The following PCDH15 variants were observed in gnomAD, a reference collection of about 807,000 sequenced individuals.
The protein encoded by PCDH15 is protocadherin-15.
PCDH15 carries 129 observed loss-of-function variants against 178.5 expected under a neutral mutation model. The observed-to-expected ratio is 0.72, with a 90% CI of 0.63 to 0.84. PCDH15 has a LOEUF of 0.84. PCDH15 is among the 40% of genes least tolerant of loss of function. The pLI, the probability that PCDH15 is intolerant of heterozygous loss-of-function variation, is 0.00. For synonymous variants in PCDH15, 800 were observed against 732.0 expected (o/e 1.09, Z -1.50); for missense variants, 2,230 against 2,099.9 (o/e 1.06, Z -1.21).
At chr10:54,894,559 T>G (rs1954516506) in intron 3 of PCDH15, among the ~76,000 whole-genome samples, 1 of 152,114 alleles carries the variant, frequency 6.6e-6, no homozygotes, top group Admixed American at 6.6e-5. Context: ...ATTGGAAACA[T>G]TTTGTAGTTC....
At chr10:54,048,652 G>A (rs1235173928) in intron 18 of PCDH15, among the ~76,000 whole-genome samples, 2 of 152,096 alleles carry the variant, frequency 1.3e-5, no homozygotes, top group Non-Finnish European at 2.9e-5. Context: ...TGAATAGGAA[G>A]TCCTTTTCTG....
chr10:54,688,565 G>C (rs1197879013), intron 1 of PCDH15, among the ~76,000 whole-genome samples: 2 of 152,026 alleles, frequency 1.3e-5, no homozygotes, highest in Non-Finnish European at 2.9e-5. Context: ...AAATACATAG[G>C]ATTAATATTG....
Position 54,026,072 on chromosome 10 carries a change from AT to A in PCDH15, c.2221-2876del, listed in dbSNP as rs973797608. ...ATAGCAATCTATATTTTAGGATGGG[AT>A]TTTTTTTTTTTTTTGAAACAGGTCT... On this transcript the variant is annotated intron_variant, in intron 18 of 37. Transcript: ENST00000644397. Among the ~76,000 whole-genome samples the A allele has an allele frequency of 7.1e-3, 1,016 of 142,494 alleles. 4 individuals carry two copies. Among genetic ancestry groups the A allele is most frequent in the Middle Eastern group, 0.011 (3 of 262 alleles). 93.5% of individuals were successfully genotyped at this position (142,494 alleles called of 152,430 possible).
At chr10:54,511,354 T>C (rs1052418793) in intron 3 of PCDH15, among the ~76,000 whole-genome samples, 2 of 152,084 alleles carry the variant, frequency 1.3e-5, no homozygotes, top group Non-Finnish European at 2.9e-5. Context: ...TGGATATCAG[T>C]TTGCCCTCAC....
intron 8 of PCDH15, among the ~76,000 whole-genome samples, chr10:54,262,885 G>A (rs574755503): frequency 2.2e-4 from 33 of 151,988 alleles, no homozygotes; most frequent in Non-Finnish European, 4.0e-4. Flanking sequence ...TGGGCTTGCC[G>A]CCAGGGCGAG....
intron 3 of PCDH15, among the ~76,000 whole-genome samples, chr10:54,428,674 T>C (rs1193004371): frequency 6.6e-6 from 1 of 151,918 alleles, no homozygotes; most frequent in Non-Finnish European, 1.5e-5. Flanking sequence ...ATAAAGAAAA[T>C]ATCCCAAAAG....
intron 2 of PCDH15, among the ~76,000 whole-genome samples, chr10:55,616,648 G>A (rs1843484075): frequency 6.6e-6 from 1 of 152,118 alleles, no homozygotes; most frequent in Non-Finnish European, 1.5e-5. Flanking sequence ...CAGTCAGGGA[G>A]AATGGGAACC....
intron 28 of PCDH15, among the ~76,000 whole-genome samples, chr10:53,851,692 A>C (rs1322318326): frequency 5.9e-4 from 18 of 30,488 alleles, no homozygotes; most frequent in Non-Finnish European, 8.2e-4. Context: ...ATATATATAT[A>C]TATATATATA....
At chr10:54,254,952 A>G (rs1181766513) in intron 8 of PCDH15, among the ~76,000 whole-genome samples, 1 of 152,106 alleles carries the variant, frequency 6.6e-6, no homozygotes, top group Non-Finnish European at 1.5e-5. Context: ...GCAACAATTT[A>G]TGTCTTCCAC....
intron 2 of PCDH15, among the ~76,000 whole-genome samples, chr10:55,543,675 G>A (rs1841813606): frequency 6.6e-6 from 1 of 151,246 alleles, no homozygotes; most frequent in Non-Finnish European, 1.5e-5. Context: ...TGGGAACCAG[G>A]ATGTTGACAT....
intron 8 of PCDH15, among the ~76,000 whole-genome samples, chr10:54,307,553 T>C (rs2060634045): frequency 6.6e-6 from 1 of 152,052 alleles, no homozygotes; most frequent in African/African-American, 2.4e-5. Context: ...ATTTAAAATT[T>C]GATTCACTGA....
At chr10:54,369,404 A>G (rs973985522) in intron 4 of PCDH15, 129 bp from the exon 5 acceptor site, 1 of 857,556 alleles carries the variant, frequency 1.2e-6, no homozygotes, top group Non-Finnish European at 1.8e-6. Context: ...AATCTCAAAG[A>G]AAATGATCAT....
At chr10:55,133,956 C>T (rs1838124061) in intron 2 of PCDH15, among the ~76,000 whole-genome samples, 1 of 152,132 alleles carries the variant, frequency 6.6e-6, no homozygotes, top group African/African-American at 2.4e-5. Context: ...CCTATTTCTG[C>T]TCTGATCTCC....
chr10:54,770,657 C>T (rs1591542347), intron 1 of PCDH15, among the ~76,000 whole-genome samples: 1 of 151,984 alleles, frequency 6.6e-6, no homozygotes, highest in East Asian at 1.9e-4. Context: ...CTTGGTACTT[C>T]TGTCAGTCAA....
chr10:55,527,580 T>A (rs1217663851), intron 2 of PCDH15, among the ~76,000 whole-genome samples: 1 of 152,018 alleles, frequency 6.6e-6, no homozygotes, highest in Non-Finnish European at 1.5e-5. Flanking sequence ...TATAATATTG[T>A]AAGGGACTCA....
intron 6 of PCDH15, among the ~76,000 whole-genome samples, chr10:54,335,155 T>G (rs1940800878): frequency 6.6e-6 from 1 of 152,206 alleles, no homozygotes; most frequent in Non-Finnish European, 1.5e-5. Context: ...ATGCAATTTT[T>G]GTCCACCCAA....
chr10:55,612,454 G>A (rs867828104), intron 2 of PCDH15, among the ~76,000 whole-genome samples: 1 of 152,050 alleles, frequency 6.6e-6, no homozygotes, highest in East Asian at 1.9e-4. Flanking sequence ...AGACAGGAAA[G>A]GGGGGACTGC....
chr10:54,413,188 A>G (rs1018441107), intron 3 of PCDH15, among the ~76,000 whole-genome samples: 3 of 144,888 alleles, frequency 2.1e-5, no homozygotes, highest in African/African-American at 7.6e-5. Flanking sequence ...CTCTCTCTCA[A>G]CGAATAGCAA....
chr10:55,185,089 T>C (rs948822283), intron 1 of PCDH15, among the ~76,000 whole-genome samples: 1 of 151,854 alleles, frequency 6.6e-6, no homozygotes, highest in Non-Finnish European at 1.5e-5. Context: ...AAAAACATTT[T>C]TGAAGCACAG....
Sources: gnomAD v4.1 joint callset for allele counts (sites outside exome capture counted in the v4.1 genomes callset) on GRCh38, gnomAD v4.1.1 for gene constraint, MANE v1.5 for transcripts, NCBI Gene and HGNC (gene_info 2026-07-23, HGNC 2026-07-21) for gene names.